PRSS23: variants seen among roughly 807,000 people sequenced by gnomAD.
PRSS23 encodes the protein protease, serine 23.
Under a neutral mutation model 34.7 loss-of-function variants are expected in PRSS23, and 25 were observed. That is an observed-to-expected ratio of 0.72 (90% CI 0.53 to 1.01). The LOEUF is 1.01. Ranked by LOEUF, PRSS23 falls within the 50% of genes least tolerant of loss-of-function variation. The pLI is 0.00. For missense variants in PRSS23, 445 were observed against 475.6 expected (o/e 0.94, Z 0.60); for synonymous variants, 176 against 186.6 (o/e 0.94, Z 0.46).
chr11:86,806,237 A>G (rs1258237350), intron 1 of PRSS23, among the ~76,000 whole-genome samples: 1 of 152,030 alleles, frequency 6.6e-6, no homozygotes, highest in Non-Finnish European at 1.5e-5. Context: ...TGATTCCCCA[A>G]ATTACTCACA....
rs186569863 is a variant in PRSS23, at chr11:86,840,505, A to C, written c.206+16912A>C. Among the ~76,000 whole-genome samples the C allele has an allele frequency of 2.4e-3, 358 of 152,330 alleles. 4 individuals are homozygous for C. Among genetic ancestry groups the C allele is most frequent in the South Asian group, 0.011 (52 of 4,826 alleles). On this transcript the variant is annotated intron_variant, in intron 2 of 2. Transcript: ENST00000533902. ...ACCTACAAAGAGACTCCCACACAATAATAATGGGAGGCTTTAACACCCCAC... is the reference window on the plus strand; with the variant it reads ...ACCTACAAAGAGACTCCCACACAATCATAATGGGAGGCTTTAACACCCCAC...
intron 2 of PRSS23, among the ~76,000 whole-genome samples, chr11:86,900,866 C>G (rs545403650): frequency 7.1e-6 from 1 of 139,940 alleles, no homozygotes; most frequent in Non-Finnish European, 1.5e-5. Flanking sequence ...CTCACTGCAA[C>G]CTCTGCCTCC....
chr11:86,920,947 T>C (rs1478234369), intron 2 of PRSS23, among the ~76,000 whole-genome samples: 1 of 152,210 alleles, frequency 6.6e-6, no homozygotes, highest in Admixed American at 6.5e-5. Flanking sequence ...CGCCATTTGC[T>C]ACAGTAAGAA....
At chr11:86,901,879 A>G (rs1948913937) in intron 2 of PRSS23, among the ~76,000 whole-genome samples, 1 of 152,158 alleles carries the variant, frequency 6.6e-6, no homozygotes, top group Non-Finnish European at 1.5e-5. Context: ...TATTATCATA[A>G]TGGCATGTCA....
At chr11:86,838,948 A>G (rs1045374079) in intron 2 of PRSS23, among the ~76,000 whole-genome samples, 2 of 152,192 alleles carry the variant, frequency 1.3e-5, no homozygotes, top group African/African-American at 4.8e-5. Flanking sequence ...CAACATCAAC[A>G]AAAAGGACAT....
intron 2 of PRSS23, among the ~76,000 whole-genome samples, chr11:86,837,963 C>G (rs941723221): frequency 6.6e-6 from 1 of 152,034 alleles, no homozygotes; most frequent in Non-Finnish European, 1.5e-5. Flanking sequence ...AGAGGGTGAA[C>G]TGAAGTAGGG....
intron 2 of PRSS23, among the ~76,000 whole-genome samples, chr11:86,880,205 G>A (rs1367941354): frequency 5.9e-5 from 9 of 151,972 alleles, no homozygotes; most frequent in Admixed American, 5.2e-4. Flanking sequence ...ATGGATTAAG[G>A]GCGGTGTAAG....
intron 2 of PRSS23, among the ~76,000 whole-genome samples, chr11:86,845,140 C>T (rs940259246): frequency 2.0e-5 from 3 of 151,756 alleles, no homozygotes; most frequent in African/African-American, 7.3e-5. Flanking sequence ...TGATCACAGC[C>T]AATTTTTGTG....
intron 2 of PRSS23, among the ~76,000 whole-genome samples, chr11:86,854,654 G>A (rs187850263): frequency 1.7e-4 from 26 of 152,290 alleles, no homozygotes; most frequent in Non-Finnish European, 3.1e-4. Flanking sequence ...GCTCTTGGGC[G>A]TAAGTCTTTG....
At chr11:86,888,313 G>T (rs1948819096) in intron 2 of PRSS23, among the ~76,000 whole-genome samples, 1 of 152,112 alleles carries the variant, frequency 6.6e-6, no homozygotes, top group African/African-American at 2.4e-5. Context: ...ACATGCTATT[G>T]TTTGCTTTTC....
intron 2 of PRSS23, among the ~76,000 whole-genome samples, chr11:86,891,225 GGCAGT>G (rs1206801780): frequency 6.6e-6 from 1 of 152,152 alleles, no homozygotes; most frequent in Non-Finnish European, 1.5e-5. Context: ...TTCAGGTAAT[GGCAGT>G]TTATTTTCCC....
chr11:86,909,096 T>G (rs1948961842), intron 2 of PRSS23: 1 of 152,092 alleles, frequency 6.6e-6, no homozygotes, highest in Non-Finnish European at 1.5e-5. Flanking sequence ...CCATGTAATG[T>G]CAGCTGTCAA....
rs561682096 is a variant in PRSS23 at position 86,853,242 on chromosome 11, C to CTTTTTT, written c.206+29676_206+29681dup. Among the ~76,000 whole-genome samples the CTTTTTT allele has an allele frequency of 1.0e-3, 49 of 47,792 alleles. 13 individuals carry two copies. The highest frequency in any genetic ancestry group is 2.4e-3 in the African/African-American group (27 of 11,350). The allele number at this position is 47,792 out of a possible 152,430, so 31.4% of individuals were successfully genotyped here. A position where few individuals can be genotyped will look rare whatever the true frequency, so the allele number is the denominator to read the frequency against. On this transcript the variant is annotated intron_variant, in intron 2 of 2. Coordinates refer to the PRSS23 transcript ENST00000533902. ...TGCAGCCTGTGTCACAAGTGCCTGC[C>CTTTTTT]TTTTTTTTTTTTTTTTTTTTTTTTT...
At chr11:86,907,891 A>G (rs1225686100) in intron 2 of PRSS23, among the ~76,000 whole-genome samples, 1 of 146,404 alleles carries the variant, frequency 6.8e-6, no homozygotes, top group Non-Finnish European at 1.5e-5. Flanking sequence ...ATTTTTCCCT[A>G]CCCCCAGTGC....
intron 1 of PRSS23, among the ~76,000 whole-genome samples, chr11:86,818,179 G>A (rs145237925): frequency 1.3e-5 from 2 of 152,260 alleles, no homozygotes; most frequent in African/African-American, 4.8e-5. Flanking sequence ...TATCTGCAAA[G>A]CTGTATTACA....
At chr11:86,872,507 G>A (rs1948692042) in intron 2 of PRSS23, among the ~76,000 whole-genome samples, 3 of 152,118 alleles carry the variant, frequency 2.0e-5, no homozygotes, top group Admixed American at 6.5e-5. Context: ...GACTGTTAAG[G>A]TCATTTGAGT....
At chr11:86,838,989 A>C (rs934922828) in intron 2 of PRSS23, among the ~76,000 whole-genome samples, 1 of 152,154 alleles carries the variant, frequency 6.6e-6, no homozygotes, top group African/African-American at 2.4e-5. Context: ...TATGTCACCA[A>C]TATCAAAGAC....
intron 2 of PRSS23, chr11:86,950,892 G>A (rs1217216201): frequency 4.8e-5 from 27 of 564,462 alleles, no homozygotes; most frequent in Middle Eastern, 4.8e-4. Flanking sequence ...AGTGATCAAC[G>A]TTTTGATTTT....
intron 2 of PRSS23, among the ~76,000 whole-genome samples, chr11:86,941,432 T>C (rs1590938015): frequency 1.3e-5 from 2 of 152,332 alleles, no homozygotes; most frequent in East Asian, 3.9e-4. Context: ...TCCCCTACGG[T>C]GCCTTCCCAG....
Sources: gnomAD v4.1 joint callset for allele counts (sites outside exome capture counted in the v4.1 genomes callset) on GRCh38, gnomAD v4.1.1 for gene constraint, MANE v1.5 for transcripts, NCBI Gene and HGNC (gene_info 2026-07-23, HGNC 2026-07-21) for gene names.